Variants in PZP observed in about 807,000 individuals in gnomAD.
The protein encoded by PZP is PZP alpha-2-macroglobulin like, also known as pregnancy zone protein.
Under a neutral mutation model 179.8 loss-of-function variants are expected in PZP, and 150 were observed. The ratio of observed to expected loss-of-function variants is 0.83; its 90% CI spans 0.73 to 0.96. The LOEUF is 0.96. Among genes scored for constraint, PZP ranks in the 40% least tolerant of loss-of-function variants. The pLI is 0.00. For synonymous variants in PZP, 624 were observed against 652.3 expected (o/e 0.96, Z 0.66); for missense variants, 1,689 against 1,764.0 (o/e 0.96, Z 0.76).
chr12:9,199,518 A>T (rs1393382090), intron 7 of PZP, among the ~76,000 whole-genome samples: 1 of 152,202 alleles, frequency 6.6e-6, no homozygotes, highest in East Asian at 1.9e-4. Context: ...AATGTAAAAC[A>T]TTCAATGTAT....
intron 12 of PZP, 92 bp from the exon 13 acceptor site, chr12:9,192,348 C>T (rs1038409249): frequency 2.9e-6 from 4 of 1,372,544 alleles, no homozygotes; most frequent in Middle Eastern, 1.8e-4. Context: ...GTTGTCAAGT[C>T]TGTGCTGGAG....
chr12:9,139,001 T>C, the PZP span, among the ~76,000 whole-genome samples: 1 of 152,094 alleles, frequency 6.6e-6, no homozygotes, highest in Non-Finnish European at 1.5e-5. Context: ...TTTTCTAGCC[T>C]CTTGAAGTAT....
At chr12:9,137,489 G>A in the PZP span, among the ~76,000 whole-genome samples, 4 of 151,980 alleles carry the variant, frequency 2.6e-5, no homozygotes, top group African/African-American at 4.8e-5. Flanking sequence ...TCTTTCTCAA[G>A]ATTGATTTTG....
the PZP span, among the ~76,000 whole-genome samples, chr12:9,137,242 C>T: frequency 6.6e-6 from 1 of 152,002 alleles, no homozygotes. Context: ...TATTGTTTTG[C>T]TTATGGATAT....
chr12:9,152,900 A>G lies in PZP; in HGVS notation c.4045T>C (p.Leu1349=), dbSNP rs766841026. ...GTTTGGGGCACAGTCTGCACTTTTAAAGCAAATGGGGAGTCCTCTTTCTCT... is the reference window on the plus strand; with the variant it reads ...GTTTGGGGCACAGTCTGCACTTTTAGAGCAAATGGGGAGTCCTCTTTCTCT... ...LPEKEDSPFA[L]KVQTVPQTCD... is the part of the protein sequence containing the mutation. The change falls in exon 31 of 36, where the codon TTA becomes CTA. Residue 1349 remains leucine, a synonymous_variant. Transcript: ENST00000261336. The G allele has an allele frequency of 6.2e-7, 1 of 1,614,124 alleles. No individual in the cohort carries two copies. Among genetic ancestry groups the G allele is most frequent in the South Asian group, 1.1e-5 (1 of 91,078 alleles).
At chr12:9,145,283 G>T (rs1379503111), downstream of PZP, among the ~76,000 whole-genome samples, 1 of 151,724 alleles carries the variant, frequency 6.6e-6, no homozygotes, top group Non-Finnish European at 1.5e-5. Flanking sequence ...GTGTTTTATT[G>T]TTTTTTTGTG....
intron 18 of PZP, 83 bp from the exon 19 acceptor site, chr12:9,165,450 A>T: frequency 6.8e-7 from 1 of 1,466,268 alleles, no homozygotes; most frequent in South Asian, 1.2e-5. Flanking sequence ...CATAAAGCTA[A>T]CGTCAAGAAC....
intron 17 of PZP, chr12:9,168,513 C>A: frequency 5.3e-6 from 1 of 187,630 alleles, no homozygotes; most frequent in Non-Finnish European, 1.1e-5. Flanking sequence ...CCAGTGAAGC[C>A]CTTTGTCCTT....
Position 9,153,112 on chromosome 12 carries a change from C to T in PZP, c.3993+13G>A, listed in dbSNP as rs1217513022. ...TAAAGTTGACTCTCACCCATATAAG[C>T]TTGGAGCCCTACCTGAAGATACACA... On this transcript the variant is annotated intron_variant, in intron 30 of 35. Coordinates refer to ENST00000261336, the MANE Select transcript of PZP (RefSeq NM_002864.3). The T allele has an allele frequency of 1.9e-6, 3 of 1,613,378 alleles. No individual in the cohort carries two copies. The highest frequency in any genetic ancestry group is 2.2e-5 in the South Asian group (2 of 91,056).
intron 28 of PZP, among the ~76,000 whole-genome samples, chr12:9,156,947 T>C (rs923862138): frequency 6.6e-6 from 1 of 152,140 alleles, no homozygotes; most frequent in Non-Finnish European, 1.5e-5. Context: ...TATTTTATTT[T>C]AAGTTCTGGG....
rs140597579 is a variant in PZP, at chr12:9,154,687, T to C, written c.3703A>G (p.Thr1235Ala). The part of the protein sequence containing the change: ...AQPAPTSGDL[T>A]SATNIVKWIM... ...CACTTCACAATGTTAGTTGCAGAGGTCAGGTCCCCTGAGGTGGGGGCTGGC... is the reference window on the plus strand; with the variant it reads ...CACTTCACAATGTTAGTTGCAGAGGCCAGGTCCCCTGAGGTGGGGGCTGGC... Residue 1235 changes from threonine (T) to alanine (A), a missense_variant, in exon 29 of 36, where the codon ACC (threonine) becomes GCC (alanine). Thr to Ala is a moderately conservative substitution (Grantham distance 58). This residue lies in a region of PZP where 746 missense variants were observed against 749.2 expected (regional missense o/e 1.00). Transcript: ENST00000261336. The C allele has an allele frequency of 8.2e-5, 132 of 1,614,086 alleles. 2 individuals are homozygous for C. The African/African-American group carries it at 1.5e-3, about 19-fold the overall frequency.
chr12:9,179,520 G>C (rs1368771371), intron 15 of PZP, among the ~76,000 whole-genome samples: 2 of 152,270 alleles, frequency 1.3e-5, no homozygotes, highest in African/African-American at 2.4e-5. Context: ...TGCTAACAAA[G>C]GTGTAGTAGG....
chr12:9,161,132 G>C lies in PZP; in HGVS notation c.2789-16C>G, dbSNP rs962131016. 17 of 1,529,040 alleles carry C rather than the reference G, an allele frequency of 1.1e-5. No homozygotes were observed. The highest frequency in any genetic ancestry group is 1.4e-5 in the African/African-American group (1 of 71,808). The allele number at this position is 1,529,040 out of a possible 1,614,324, so 94.7% of individuals were successfully genotyped here. ...ACATTAGCACCTTTAGAAACAGACA[G>C]CCCATGTTAAAGGAGGACATCTATG... On this transcript the variant is annotated splice_polypyrimidine_tract_variant and intron_variant, in intron 22 of 35. Coordinates refer to ENST00000261336, the MANE Select transcript of PZP (RefSeq NM_002864.3).
intron 26 of PZP, among the ~76,000 whole-genome samples, chr12:9,158,092 AG>A (rs754157388): frequency 2.3e-4 from 35 of 152,306 alleles, no homozygotes; most frequent in Non-Finnish European, 3.7e-4. Flanking sequence ...CTGCAACTAC[AG>A]GCACAGGCCA....
At chr12:9,184,243 C>G (rs1258342877) in intron 13 of PZP, among the ~76,000 whole-genome samples, 1 of 152,206 alleles carries the variant, frequency 6.6e-6, no homozygotes, top group Non-Finnish European at 1.5e-5. Flanking sequence ...AGGCACTAAG[C>G]TCGCCAACCC....
At chr12:9,191,939 TGC>T (rs1001335438) in intron 13 of PZP, among the ~76,000 whole-genome samples, 57 of 152,312 alleles carry the variant, frequency 3.7e-4, no homozygotes, top group African/African-American at 1.3e-3. Flanking sequence ...AGCTTTGTTT[TGC>T]TGTTAGAAGA....
intron 25 of PZP, among the ~76,000 whole-genome samples, chr12:9,159,314 C>T (rs1940997742): frequency 6.6e-6 from 1 of 152,146 alleles, no homozygotes; most frequent in Non-Finnish European, 1.5e-5. Flanking sequence ...TTGCTCCTGA[C>T]ACATTTATTT....
chr12:9,166,034 G>A lies in PZP; in HGVS notation c.2258+18C>T. 6.3e-7 allele frequency: 1 copy of A among 1,586,160 alleles called. No homozygotes were observed. The highest frequency in any genetic ancestry group is 8.5e-7 in the Non-Finnish European group (1 of 1,169,618). On this transcript the variant is annotated intron_variant, in intron 18 of 35. Coordinates refer to ENST00000261336, the MANE Select transcript of PZP (RefSeq NM_002864.3). ...ATTCCCTCCCCTCCAGCAAATGGAG[G>A]AAAGTAAAGTTACTTACTTCACTGC...
the PZP span, among the ~76,000 whole-genome samples, chr12:9,141,677 A>G: frequency 6.6e-6 from 1 of 152,218 alleles, no homozygotes; most frequent in Non-Finnish European, 1.5e-5. Flanking sequence ...AAAAATCCAC[A>G]TTCTCATGCC....
Sources: allele counts gnomAD v4.1 joint callset (sites outside exome capture counted in the v4.1 genomes callset), GRCh38; gene constraint gnomAD v4.1.1; regional missense constraint gnomAD v4.1.1; transcripts MANE v1.5; gene names NCBI Gene and HGNC (gene_info 2026-07-23, HGNC 2026-07-21).